Variants in NRXN3 observed in about 807,000 individuals in gnomAD.
The protein encoded by NRXN3 is neurexin III.
Under a neutral mutation model 137.6 loss-of-function variants are expected in NRXN3, and 32 were observed. The observed-to-expected ratio is 0.23, with a 90% CI of 0.18 to 0.31. The LOEUF is 0.31. Ranked by LOEUF, NRXN3 falls within the 10% of genes least tolerant of loss-of-function variation. The probability of loss-of-function intolerance (pLI) is 1.00; values close to 1 mark genes in which losing one functional copy is unlikely to be tolerated. For synonymous variants in NRXN3, 798 were observed against 784.5 expected (o/e 1.02, Z -0.29); for missense variants, 1,574 against 2,062.5 (o/e 0.76, Z 4.59).
chr14:78,704,756 ATGTC>A (rs2098328611), intron 6 of NRXN3, among the ~76,000 whole-genome samples: 1 of 152,110 alleles, frequency 6.6e-6, no homozygotes, highest in Non-Finnish European at 1.5e-5. Context: ...GCTGAACTCC[ATGTC>A]TGTAAAATGG....
rs529498392 is a variant in NRXN3, at chr14:78,457,617, T to A, written c.757+159757T>A. Among the ~76,000 whole-genome samples the A allele has an allele frequency of 6.6e-5, 10 of 152,236 alleles. No individual in the cohort carries two copies. The South Asian group carries it at 1.9e-3, about 28-fold the overall frequency. ...TGCACTGAGAATTAGGATTGTTAAG[T>A]CAGAAACTGTGAAGGGTCTGAGACT... is the stretch of plus-strand genomic sequence containing the variant. On this transcript the variant is annotated intron_variant, in intron 4 of 20. Coordinates refer to ENST00000335750, the MANE Select transcript of NRXN3 (RefSeq NM_001330195.2).
chr14:79,538,168 G>A lies in NRXN3; in HGVS notation c.3444+70766G>A, dbSNP rs559299552. 7.2e-5 allele frequency among the ~76,000 whole-genome samples: 11 copies of A among 152,228 alleles called. No homozygotes were observed. The East Asian group carries it at 1.7e-3, about 24-fold the overall frequency. ...GTTTTTTTCTTGTAAATTTGTTTGA[G>A]TTCATTGTAGATTCTGGATATTAGC... On this transcript the variant is annotated intron_variant, in intron 16 of 20. Transcript: ENST00000335750.
At chr14:79,758,149 G>C (rs1412263355) in intron 19 of NRXN3, among the ~76,000 whole-genome samples, 1 of 152,104 alleles carries the variant, frequency 6.6e-6, no homozygotes, top group Non-Finnish European at 1.5e-5. Context: ...TTCATTTTTG[G>C]TCAGCAGGTT....
chr14:79,149,550 T>G (rs1432452562), intron 15 of NRXN3, among the ~76,000 whole-genome samples: 1 of 152,078 alleles, frequency 6.6e-6, no homozygotes, highest in Non-Finnish European at 1.5e-5. Context: ...TAAAGAGACA[T>G]GCATGCGTAT....
At chr14:79,692,695 C>CA (rs1258139396) in intron 18 of NRXN3, among the ~76,000 whole-genome samples, 1 of 151,490 alleles carries the variant, frequency 6.6e-6, no homozygotes, top group Non-Finnish European at 1.5e-5. Context: ...AAAAAACAAA[C>CA]AAAAAAACAA....
At chr14:79,702,899 T>A (rs1041799482) in intron 19 of NRXN3, among the ~76,000 whole-genome samples, 4 of 48,466 alleles carry the variant, frequency 8.3e-5, no homozygotes, top group Middle Eastern at 6.6e-3. Context: ...GTCTTTTACC[T>A]TATGTCTCCA....
At chr14:79,489,501 A>G (rs1469925776) in intron 16 of NRXN3, among the ~76,000 whole-genome samples, 5 of 152,182 alleles carry the variant, frequency 3.3e-5, no homozygotes, top group Admixed American at 3.3e-4. Flanking sequence ...CATTTGCATT[A>G]GTATGGAACC....
intron 15 of NRXN3, among the ~76,000 whole-genome samples, chr14:78,996,201 G>A (rs893497237): frequency 7.9e-5 from 12 of 151,908 alleles, no homozygotes; most frequent in South Asian, 2.1e-4. Flanking sequence ...ACACAATTAC[G>A]TTTTTTAACC....
At chr14:78,744,153 G>A (rs1034192196) in intron 8 of NRXN3, among the ~76,000 whole-genome samples, 2 of 152,102 alleles carry the variant, frequency 1.3e-5, no homozygotes, top group Non-Finnish European at 2.9e-5. Context: ...TTGTTTGTTT[G>A]TTTGAAATGG....
rs79512520 is a variant in NRXN3, at chr14:78,191,172, G to A, written c.-704+20498G>A. ...CATTACAAGCAAATTCACAACTGGT[G>A]GGGTGTGGGGCTGGGCCAGGGGGAT... On this transcript the variant is annotated intron_variant, in intron 1 of 20. Transcript: ENST00000335750. Among the ~76,000 whole-genome samples the A allele has an allele frequency of 3.6e-3, 553 of 152,278 alleles. 29 individuals are homozygous for A. In the East Asian group the frequency reaches 0.094, roughly 26 times the overall value.
chr14:79,522,281 CTA>C (rs1166571662), intron 16 of NRXN3, among the ~76,000 whole-genome samples: 1 of 152,090 alleles, frequency 6.6e-6, no homozygotes, highest in African/African-American at 2.4e-5. Flanking sequence ...GGACAATAAT[CTA>C]AACTGCAGAG....
Position 78,528,375 on chromosome 14 carries a change from A to AT in NRXN3, c.758-116744dup, listed in dbSNP as rs2096411072. ...GGGGTGGAGGATTGAATTGCTTTAC[A>AT]TCTCCACACTCCTGATTAAATGTGA... On this transcript the variant is annotated intron_variant, in intron 4 of 20. Coordinates refer to ENST00000335750, the MANE Select transcript of NRXN3 (RefSeq NM_001330195.2). Among the ~76,000 whole-genome samples the AT allele has an allele frequency of 2.6e-5, 4 of 152,280 alleles. No individual in the cohort carries two copies. The South Asian group carries it at 6.2e-4, about 24-fold the overall frequency.
At position 78,789,100 on chromosome 14, in the gene NRXN3, A is replaced by C. The variant is rs186927099; in HGVS notation, c.2045-14520A>C. Reference sequence around the variant, plus strand: ...GTTTGCACAATAAAGCAATGGCAAAAGTATCTGGAAGAAAATTGAATAAGA... The same window carrying C: ...GTTTGCACAATAAAGCAATGGCAAACGTATCTGGAAGAAAATTGAATAAGA... On this transcript the variant is annotated intron_variant, in intron 8 of 20. Coordinates refer to ENST00000335750, the MANE Select transcript of NRXN3 (RefSeq NM_001330195.2). Among the ~76,000 whole-genome samples, 249 of 152,360 alleles carry C rather than the reference A, an allele frequency of 1.6e-3. 5 individuals carry two copies. The highest frequency in any genetic ancestry group is 5.7e-3 in the African/African-American group (239 of 41,594).
chr14:78,425,265 G>A (rs2093617369), intron 4 of NRXN3, among the ~76,000 whole-genome samples: 1 of 152,188 alleles, frequency 6.6e-6, no homozygotes, highest in African/African-American at 2.4e-5. Context: ...GTGTTGTGAG[G>A]ATAAAAGAGA....
At chr14:79,201,683 G>A (rs961718371) in intron 15 of NRXN3, 2 of 152,290 alleles carry the variant, frequency 1.3e-5, no homozygotes, top group Admixed American at 1.3e-4. Context: ...TAAGAGTTTG[G>A]CACTGTGTTC....
chr14:78,487,925 G>T (rs2095594145), intron 4 of NRXN3, among the ~76,000 whole-genome samples: 1 of 151,736 alleles, frequency 6.6e-6, no homozygotes, highest in African/African-American at 2.4e-5. Flanking sequence ...TTTTTCACAG[G>T]GTGTATCAGT....
chr14:78,336,377 C>T (rs2081470119), intron 4 of NRXN3, among the ~76,000 whole-genome samples: 1 of 152,052 alleles, frequency 6.6e-6, no homozygotes, highest in Non-Finnish European at 1.5e-5. Context: ...TGAGTTTGAA[C>T]TGGTATTTTA....
chr14:78,316,640 AT>A (rs1260851374), intron 4 of NRXN3, among the ~76,000 whole-genome samples: 3 of 152,280 alleles, frequency 2.0e-5, no homozygotes, highest in African/African-American at 7.2e-5. Flanking sequence ...GCAGAGAATG[AT>A]TTATTTATTT....
chr14:79,848,487 GT>G (rs5809965), intron 20 of NRXN3, among the ~76,000 whole-genome samples: 83,502 of 151,822 alleles, frequency 0.55, 23,392 homozygotes, highest in East Asian at 0.72. Context: ...TAGTGTTAGT[GT>G]TTTTTTATGT....
Sources: allele counts gnomAD v4.1 joint callset (sites outside exome capture counted in the v4.1 genomes callset), GRCh38; gene constraint gnomAD v4.1.1; transcripts MANE v1.5; gene names NCBI Gene and HGNC (gene_info 2026-07-23, HGNC 2026-07-21).